Variants in SLC14A2 observed in about 807,000 individuals in gnomAD.
The protein encoded by SLC14A2 is solute carrier family 14 member 2, also known as urea transporter 2.
SLC14A2 carries 91 observed loss-of-function variants against 104.6 expected under a neutral mutation model. The ratio of observed to expected loss-of-function variants is 0.87; its 90% CI spans 0.73 to 1.04. The LOEUF (loss-of-function observed/expected upper bound fraction) is 1.04, where lower values mean the gene tolerates loss of function less well. Among genes scored for constraint, SLC14A2 ranks in the 50% least tolerant of loss-of-function variants. The probability of loss-of-function intolerance (pLI) is 0.00; values close to 1 mark genes in which losing one functional copy is unlikely to be tolerated. For synonymous variants in SLC14A2, 476 were observed against 466.4 expected, an observed-to-expected ratio of 1.02 and a Z score of -0.27; for missense variants, 1,189 against 1,156.0, an observed-to-expected ratio of 1.03 and a Z score of -0.41.
chr18:45,673,925 A>G (rs925776652), intron 18 of SLC14A2, 108 bp downstream of exon 18: 2 of 1,116,286 alleles, frequency 1.8e-6, no homozygotes, highest in African/African-American at 3.1e-5. Context: ...ATTAAACACT[A>G]TTTTCACTGA....
intron 1 of SLC14A2, among the ~76,000 whole-genome samples, chr18:45,392,182 A>G (rs1401866692): frequency 6.6e-6 from 1 of 152,190 alleles, no homozygotes. Flanking sequence ...AGTGAAAGAC[A>G]CTCAAACTAC....
chr18:45,667,449 G>C (rs886646534), intron 13 of SLC14A2, among the ~76,000 whole-genome samples: 1 of 152,196 alleles, frequency 6.6e-6, no homozygotes, highest in African/African-American at 2.4e-5. Context: ...TGGGAGAACT[G>C]TGTCTACCAT....
chr18:45,218,239 C>T (rs529074820), intron 1 of SLC14A2, among the ~76,000 whole-genome samples: 24 of 152,240 alleles, frequency 1.6e-4, no homozygotes, highest in African/African-American at 5.5e-4. Flanking sequence ...ATTCTAAGTA[C>T]CTTATATAAG....
chr18:45,322,822 C>T (rs1218049644), intron 1 of SLC14A2, among the ~76,000 whole-genome samples: 1 of 152,060 alleles, frequency 6.6e-6, no homozygotes, highest in Non-Finnish European at 1.5e-5. Flanking sequence ...ACTTTTTTTT[C>T]ACTTTATCAG....
chr18:45,516,027 T>C (rs557093835), intron 2 of SLC14A2, among the ~76,000 whole-genome samples: 5 of 152,346 alleles, frequency 3.3e-5, no homozygotes, highest in Admixed American at 6.5e-5. Context: ...TCATTAATAT[T>C]TGTACCTAAA....
rs34456057 is a variant in SLC14A2 at position 45,426,698 on chromosome 18, TACACAC to T, written c.-124-56505_-124-56500del. Among the ~76,000 whole-genome samples the T allele has an allele frequency of 3.8e-3, 531 of 140,980 alleles. 1 individual carries two copies. Among genetic ancestry groups the T allele is most frequent in the Non-Finnish European group, 5.1e-3 (334 of 65,588 alleles). 92.5% of individuals were successfully genotyped at this position (140,980 alleles called of 152,430 possible). Reference sequence around the variant, plus strand: ...ACACACATATACATATATACATACATACACACACACACACACACACACACACACACA... The same window carrying T: ...ACACACATATACATATATACATACATACACACACACACACACACACACACA... On this transcript the variant is annotated intron_variant, in intron 1 of 20. Coordinates refer to the SLC14A2 transcript ENST00000586448.
intron 1 of SLC14A2, among the ~76,000 whole-genome samples, chr18:45,291,583 G>A (rs2084869760): frequency 6.6e-6 from 1 of 152,168 alleles, no homozygotes; most frequent in Non-Finnish European, 1.5e-5. Flanking sequence ...AGGCAAGAGG[G>A]GACGATATTA....
chr18:45,481,390 T>A (rs193046229), intron 1 of SLC14A2, among the ~76,000 whole-genome samples: 2 of 152,266 alleles, frequency 1.3e-5, no homozygotes, highest in East Asian at 3.9e-4. Context: ...AATTAAGAAT[T>A]TGAAAGTGCC....
At chr18:45,215,748 T>C (rs1038888465) in intron 1 of SLC14A2, among the ~76,000 whole-genome samples, 5 of 152,236 alleles carry the variant, frequency 3.3e-5, no homozygotes, top group African/African-American at 1.2e-4. Context: ...AGACTGTCTG[T>C]GGTTACGATT....
intron 16 of SLC14A2, among the ~76,000 whole-genome samples, chr18:45,671,431 A>G (rs2144645230): frequency 6.6e-6 from 1 of 152,266 alleles, no homozygotes; most frequent in Non-Finnish European, 1.5e-5. Flanking sequence ...TTTCTGATAA[A>G]TAAGTGGTGA....
chr18:45,318,510 A>G (rs1317803742), intron 1 of SLC14A2, among the ~76,000 whole-genome samples: 1 of 152,092 alleles, frequency 6.6e-6, no homozygotes, highest in East Asian at 1.9e-4. Flanking sequence ...CTCTTGGGTG[A>G]GGCGCGGTGA....
At chr18:45,555,378 C>T (rs2044117800) in intron 2 of SLC14A2, among the ~76,000 whole-genome samples, 1 of 152,208 alleles carries the variant, frequency 6.6e-6, no homozygotes, top group Admixed American at 6.5e-5. Flanking sequence ...GATACACACT[C>T]AGTACACTCT....
chr18:45,302,916 C>T (rs1261403684), intron 1 of SLC14A2, among the ~76,000 whole-genome samples: 1 of 152,142 alleles, frequency 6.6e-6, no homozygotes, highest in African/African-American at 2.4e-5. Flanking sequence ...TCTCCTGTAG[C>T]AGGCAGTGCT....
chr18:45,242,653 G>A (rs2084329602), intron 1 of SLC14A2, among the ~76,000 whole-genome samples: 1 of 152,148 alleles, frequency 6.6e-6, no homozygotes, highest in Non-Finnish European at 1.5e-5. Context: ...ATGCGTCTGA[G>A]CCATGTGAAT....
At chr18:45,399,845 C>A (rs916307984) in intron 1 of SLC14A2, among the ~76,000 whole-genome samples, 1 of 152,032 alleles carries the variant, frequency 6.6e-6, no homozygotes, top group African/African-American at 2.4e-5. Context: ...GTACCAAGAG[C>A]CAAGGGACAA....
intron 2 of SLC14A2, among the ~76,000 whole-genome samples, chr18:45,513,097 C>A (rs574062809): frequency 6.6e-6 from 1 of 152,134 alleles, no homozygotes; most frequent in Non-Finnish European, 1.5e-5. Flanking sequence ...GAAGCAGTAT[C>A]CTGAGAGTTC....
At chr18:45,596,603 G>A (rs987261773) in intron 2 of SLC14A2, among the ~76,000 whole-genome samples, 6 of 152,196 alleles carry the variant, frequency 3.9e-5, no homozygotes, top group African/African-American at 1.2e-4. Context: ...TTCCCATCAG[G>A]AAGGGCAGCT....
At chr18:45,332,546 A>G (rs2085300814) in intron 1 of SLC14A2, among the ~76,000 whole-genome samples, 1 of 152,216 alleles carries the variant, frequency 6.6e-6, no homozygotes, top group Admixed American at 6.5e-5. Flanking sequence ...CCCACTAATA[A>G]TTAAGGACCA....
intron 5 of SLC14A2, among the ~76,000 whole-genome samples, chr18:45,633,755 G>T (rs2045379714): frequency 6.6e-6 from 1 of 152,176 alleles, no homozygotes; most frequent in Non-Finnish European, 1.5e-5. Flanking sequence ...AAAGTCTGCA[G>T]TTACTAAAAC....
Sources: allele counts gnomAD v4.1 joint callset (sites outside exome capture counted in the v4.1 genomes callset), GRCh38; gene constraint gnomAD v4.1.1; transcripts MANE v1.5; gene names NCBI Gene and HGNC (gene_info 2026-07-23, HGNC 2026-07-21).